The following CFAP100 variants were observed in gnomAD, a reference collection of about 807,000 sequenced individuals.
CFAP100 encodes cilia and flagella associated protein 100, also known as cilia- and flagella-associated protein 100.
Under a neutral mutation model 81.5 loss-of-function variants are expected in CFAP100, and 70 were observed. That is an observed-to-expected ratio of 0.86 (90% CI 0.71 to 1.05). The LOEUF (loss-of-function observed/expected upper bound fraction) is 1.05, where lower values mean the gene tolerates loss of function less well. CFAP100 is among the 50% of genes least tolerant of loss of function. The probability of loss-of-function intolerance (pLI) is 0.00; values close to 1 mark genes in which losing one functional copy is unlikely to be tolerated. For missense variants in CFAP100, 811 were observed against 776.5 expected, an observed-to-expected ratio of 1.04 and a Z score of -0.53; for synonymous variants, 341 against 314.8, an observed-to-expected ratio of 1.08 and a Z score of -0.88.
intron 2 of CFAP100, among the ~76,000 whole-genome samples, chr3:126,402,362 G>A (rs111310773): frequency 0.014 from 2,180 of 152,298 alleles, 37 homozygotes; most frequent in Middle Eastern, 0.085. Flanking sequence ...CACCACGCAG[G>A]GCTGTGCGGG....
Position 126,416,516 on chromosome 3 carries a change from C to T in CFAP100, c.418+8C>T, listed in dbSNP as rs557019361. On this transcript the variant is annotated splice_region_variant and intron_variant, in intron 5 of 16. Transcript: ENST00000352312. Reference sequence around the variant, plus strand: ...AGCTCACCTTGACCAAAGGTGCGTCCCCTCCGGCGCGGGGGGACCTGGGCC... The same window carrying T: ...AGCTCACCTTGACCAAAGGTGCGTCTCCTCCGGCGCGGGGGGACCTGGGCC... The T allele has an allele frequency of 9.6e-6, 15 of 1,560,086 alleles. No individual in the cohort carries two copies. In the African/African-American group the frequency reaches 2.0e-4, roughly 21 times the overall value.
chr3:126,430,030 T>C (rs1048429939), intron 13 of CFAP100, among the ~76,000 whole-genome samples: 6 of 152,232 alleles, frequency 3.9e-5, no homozygotes, highest in African/African-American at 1.4e-4. Context: ...AATATACTGA[T>C]CGTCTTAGAG....
Position 126,436,328 on chromosome 3 carries a change from C to G in CFAP100, c.1760C>G (p.Ala587Gly). 1 of 1,614,024 alleles carries G rather than the reference C, an allele frequency of 6.2e-7. No individual in the cohort carries two copies. The highest frequency in any genetic ancestry group is 8.5e-7 in the Non-Finnish European group (1 of 1,179,924). ...RTLVCRSRPP[A>G]HRIKQQSEHT... is the part of the protein sequence containing the mutation. ...CTGGTATGCCGCTCACGACCCCCAG[C>G]CCACAGGATCAAACAACAGTCTGAG... The change falls in exon 17 of 17, where the codon GCC becomes GGC. Residue 587 changes from alanine to glycine, a missense_variant. By Grantham distance (60) the Ala-to-Gly change is moderately conservative. Coordinates refer to ENST00000352312, the MANE Select transcript of CFAP100 (RefSeq NM_182628.3).
chr3:126,403,115 G>A (rs1321792697), intron 2 of CFAP100, among the ~76,000 whole-genome samples: 1 of 152,178 alleles, frequency 6.6e-6, no homozygotes, highest in Non-Finnish European at 1.5e-5. Flanking sequence ...AGTTGGCGAT[G>A]TGTAGGTGTC....
intron 14 of CFAP100, chr3:126,433,495 G>A: frequency 2.7e-6 from 1 of 366,144 alleles, no homozygotes; most frequent in Non-Finnish European, 5.0e-6. Flanking sequence ...AGGGGGGGAA[G>A]AGGCGTGTCC....
In CFAP100 at chr3:126,435,563, CGAGAA is replaced by C; in HGVS notation, c.1640_1644del (p.Glu547AlafsTer22). On this transcript the variant is annotated frameshift_variant, in exon 16 of 17. Coordinates refer to ENST00000352312, the MANE Select transcript of CFAP100 (RefSeq NM_182628.3). LOFTEE classifies it high-confidence loss of function. ...ATGTCATTTCTTGCCACCCAGACTTCGAGAAGAGAAGCTCCAGATGCAAAAGATCC... is the reference window on the plus strand; with the variant it reads ...ATGTCATTTCTTGCCACCCAGACTTCGAGAAGCTCCAGATGCAAAAGATCC... 1 of 1,610,624 alleles carries C rather than the reference CGAGAA, an allele frequency of 6.2e-7. No homozygotes were observed. Among genetic ancestry groups the C allele is most frequent in the Non-Finnish European group, 8.5e-7 (1 of 1,177,720 alleles).
At chr3:126,407,123 A>T (rs370693178) in intron 2 of CFAP100, 49 bp from the exon 3 acceptor site, 4 of 1,343,950 alleles carry the variant, frequency 3.0e-6, no homozygotes, top group Non-Finnish European at 4.2e-6. Flanking sequence ...CACAGTTCTC[A>T]TGGGCCAGGG....
intron 13 of CFAP100, among the ~76,000 whole-genome samples, chr3:126,431,274 A>G (rs1933213243): frequency 6.6e-6 from 1 of 152,092 alleles, no homozygotes; most frequent in Admixed American, 6.5e-5. Flanking sequence ...ATTTGTTCCT[A>G]GCTGCCCTCG....
At chr3:126,396,087 G>A in intron 2 of CFAP100, 38 bp downstream of exon 2, 1 of 1,561,732 alleles carries the variant, frequency 6.4e-7, no homozygotes, top group Non-Finnish European at 8.8e-7. Context: ...TCAGAGGTCA[G>A]GGGCAGCTTC....
intron 13 of CFAP100, among the ~76,000 whole-genome samples, chr3:126,426,328 T>A (rs990932124): frequency 6.6e-6 from 1 of 152,002 alleles, no homozygotes; most frequent in African/African-American, 2.4e-5. Flanking sequence ...CTAGGCATGG[T>A]GGCACACATC....
intron 2 of CFAP100, among the ~76,000 whole-genome samples, chr3:126,397,701 A>G (rs888037265): frequency 3.3e-5 from 5 of 152,220 alleles, no homozygotes; most frequent in Admixed American, 2.6e-4. Flanking sequence ...GGAGGTTGGC[A>G]TGGGCAAGGT....
intron 4 of CFAP100, 143 bp downstream of exon 4, chr3:126,414,322 A>G (rs757037154): frequency 4.0e-6 from 3 of 756,224 alleles, no homozygotes; most frequent in Non-Finnish European, 7.2e-6. Flanking sequence ...ACCACTTACT[A>G]TAAAATCAGC....
chr3:126,400,921 G>A (rs533968244), intron 2 of CFAP100, among the ~76,000 whole-genome samples: 15 of 152,316 alleles, frequency 9.8e-5, no homozygotes, highest in African/African-American at 2.9e-4. Context: ...ATAGCCAAGC[G>A]GTGGAAGCCG....
chr3:126,414,185 T>A lies in CFAP100; in HGVS notation c.225+6T>A. ...AGCGGAATAAGGCTCTCTCCGTGAG[T>A]ATCCAGGACAGACGCCAGCACCTCC... is the stretch of plus-strand genomic sequence containing the variant. On this transcript the variant is annotated splice_donor_region_variant and intron_variant, in intron 4 of 16. Coordinates refer to ENST00000352312, the MANE Select transcript of CFAP100 (RefSeq NM_182628.3). 1 of 1,606,480 alleles carries A rather than the reference T, an allele frequency of 6.2e-7. No individual in the cohort carries two copies. The highest frequency in any genetic ancestry group is 8.5e-7 in the Non-Finnish European group (1 of 1,173,082).
At chr3:126,427,404 G>C (rs1349677532) in intron 13 of CFAP100, among the ~76,000 whole-genome samples, 1 of 152,180 alleles carries the variant, frequency 6.6e-6, no homozygotes, top group Non-Finnish European at 1.5e-5. Context: ...ACCTGTTGTG[G>C]AGCAATGGAT....
At chr3:126,395,216 G>A (rs1422974735) in intron 1 of CFAP100, 5 of 152,468 alleles carry the variant, frequency 3.3e-5, no homozygotes, top group East Asian at 3.9e-4. Context: ...GGGCCTTGCA[G>A]AGCGCGGGTG....
In CFAP100 at chr3:126,435,688, G is replaced by A. The variant is rs768101473; in HGVS notation, c.1722+36G>A. ...TCGCCTTGGGGGGTCTCTGCTGGAG[G>A]GGGTCCCAAGACAGCATGGCAGCTG... On this transcript the variant is annotated intron_variant, in intron 16 of 16. Transcript: ENST00000352312. 3.2e-6 allele frequency: 5 copies of A among 1,556,784 alleles called. No homozygotes were observed. In the African/African-American group the frequency reaches 5.4e-5, roughly 17 times the overall value.
rs754918204 is a variant in CFAP100, at chr3:126,435,669, T to TG, written c.1722+23dup. On this transcript the variant is annotated intron_variant, in intron 16 of 16. Transcript: ENST00000352312. ...AAGAAGAAGGTAGGCAGGGTCGCCT[T>TG]GGGGGGTCTCTGCTGGAGGGGGTCC... 28 of 1,604,034 alleles carry TG rather than the reference T, an allele frequency of 1.7e-5. 1 individual carries two copies. The Middle Eastern group carries it at 6.6e-4, about 38-fold the overall frequency.
rs1385752876 is a variant in CFAP100, at chr3:126,434,331, G to C, written c.1578G>C (p.Gln526His). The change falls in exon 15 of 17, where the codon CAG (glutamine) becomes CAC (histidine). Residue 526 changes from glutamine (Q) to histidine (H), a missense_variant. Gln to His is a conservative substitution (Grantham distance 24). Transcript: ENST00000352312. ...ELLENLEHVP[Q>H]VKIEQAERAK... is the part of the protein sequence containing the mutation. ...TAGAGAACCTGGAGCACGTGCCCCA[G>C]GTCAAGATCGAGCAGGCCGAGAGGG... 1.2e-6 allele frequency: 2 copies of C among 1,614,110 alleles called. No homozygotes were observed. Among genetic ancestry groups the C allele is most frequent in the Non-Finnish European group, 1.7e-6 (2 of 1,180,028 alleles).
Sources: allele counts gnomAD v4.1 joint callset (sites outside exome capture counted in the v4.1 genomes callset), GRCh38; gene constraint gnomAD v4.1.1; transcripts MANE v1.5; gene names NCBI Gene and HGNC (gene_info 2026-07-23, HGNC 2026-07-21).